The following IP6K1 variants were observed in gnomAD, a reference collection of about 807,000 sequenced individuals.
IP6K1 encodes ATP:1D-myo-inositol-hexakisphosphate phosphotransferase.
IP6K1 carries 13 observed loss-of-function variants against 38.3 expected under a neutral mutation model. That is an observed-to-expected ratio of 0.34 (90% confidence interval 0.22 to 0.54). The LOEUF is 0.54. IP6K1 is among the 20% of genes least tolerant of loss of function. The probability of loss-of-function intolerance (pLI) is 0.92; values close to 1 mark genes in which losing one functional copy is unlikely to be tolerated. For synonymous variants in IP6K1, 212 were observed against 229.9 expected, an observed-to-expected ratio of 0.92 and a Z score of 0.70; for missense variants, 397 against 599.8, an observed-to-expected ratio of 0.66 and a Z score of 3.53.
Position 49,752,174 on chromosome 3 carries a change from T to TA in IP6K1, c.-128-4007dup, listed in dbSNP as rs201319899. On this transcript the variant is annotated intron_variant, in intron 1 of 5. Coordinates refer to ENST00000321599, the MANE Select transcript of IP6K1 (RefSeq NM_153273.4). Reference sequence around the variant, plus strand: ...GTATATTCACCATGCCCGGCTAACTTAAAAAAATTTTTTTTTTTTAAAGAC... The same window carrying TA: ...GTATATTCACCATGCCCGGCTAACTTAAAAAAAATTTTTTTTTTTTAAAGAC... Among the ~76,000 whole-genome samples, 653 of 151,014 alleles carry TA rather than the reference T, an allele frequency of 4.3e-3. 4 individuals carry two copies. The highest frequency in any genetic ancestry group is 0.015 in the African/African-American group (598 of 41,162).
Position 49,745,545 on chromosome 3 carries a change from C to T in IP6K1, c.223+2273G>A, listed in dbSNP as rs141956963. Among the ~76,000 whole-genome samples the T allele has an allele frequency of 5.1e-3, 781 of 152,218 alleles. 3 individuals are homozygous for T. The highest frequency in any genetic ancestry group is 0.027 in the Middle Eastern group (8 of 294). ...GACCAGCCTGGCCAATATGGCAAAACCCCGTCTCTACTAAAAATACAAAAA... is the reference window on the plus strand; with the variant it reads ...GACCAGCCTGGCCAATATGGCAAAATCCCGTCTCTACTAAAAATACAAAAA... On this transcript the variant is annotated intron_variant, in intron 2 of 5. Coordinates refer to ENST00000321599, the MANE Select transcript of IP6K1 (RefSeq NM_153273.4).
At chr3:49,728,841 C>G (rs1427365328) in intron 4 of IP6K1, among the ~76,000 whole-genome samples, 1 of 152,128 alleles carries the variant, frequency 6.6e-6, no homozygotes, top group Non-Finnish European at 1.5e-5. Flanking sequence ...TCCCAAAGTG[C>G]TGGGATTACA....
intron 1 of IP6K1, chr3:49,775,689 A>G: frequency 4.2e-6 from 2 of 473,906 alleles, no homozygotes; most frequent in Non-Finnish European, 7.2e-6. Context: ...TACTCCCGGC[A>G]GAAAGGGAGC....
At position 49,727,670 on chromosome 3, in the gene IP6K1, G is replaced by A. The variant is rs751424732; in HGVS notation, c.793-15C>T. The A allele has an allele frequency of 6.2e-6, 10 of 1,608,382 alleles. No individual in the cohort carries two copies. The African/African-American group carries it at 1.2e-4, about 19-fold the overall frequency. ...AGCTGGTACACCTGAAACCCCAGGA[G>A]GCAGACAGGGTGAGTGCCAGGGAAG... is the stretch of plus-strand genomic sequence containing the variant. On this transcript the variant is annotated splice_polypyrimidine_tract_variant and intron_variant, in intron 5 of 5. Transcript: ENST00000321599. This position sits in a 1 kb window ranked among gnomAD's most constrained non-coding sequence, Gnocchi z 5.9.
intron 1 of IP6K1, among the ~76,000 whole-genome samples, chr3:49,778,742 T>G (rs1388783460): frequency 6.6e-6 from 1 of 152,130 alleles, no homozygotes; most frequent in Non-Finnish European, 1.5e-5. Context: ...CCTCCCATCT[T>G]AGACTCCCCA....
At chr3:49,773,133 A>G (rs1020837547) in intron 1 of IP6K1, among the ~76,000 whole-genome samples, 1 of 152,154 alleles carries the variant, frequency 6.6e-6, no homozygotes, top group Non-Finnish European at 1.5e-5. Flanking sequence ...CCAATTAATA[A>G]TTTTGTATAT....
At chr3:49,749,360 C>A (rs2080751933) in intron 1 of IP6K1, among the ~76,000 whole-genome samples, 1 of 152,228 alleles carries the variant, frequency 6.6e-6, no homozygotes, top group Non-Finnish European at 1.5e-5. Context: ...TGTACTCAAA[C>A]TCCCTCTTTA....
intron 1 of IP6K1, chr3:49,758,507 G>A (rs1055554835): frequency 1.3e-5 from 2 of 152,074 alleles, no homozygotes; most frequent in African/African-American, 2.4e-5. Context: ...TATTGGTGGA[G>A]CATTCGTTGT....
At chr3:49,750,399 G>A (rs78785182) in intron 1 of IP6K1, among the ~76,000 whole-genome samples, 8 of 152,266 alleles carry the variant, frequency 5.3e-5, no homozygotes, top group Non-Finnish European at 8.8e-5. Flanking sequence ...TGCAGGAGGA[G>A]AGTCAAGGAA....
intron 3 of IP6K1, among the ~76,000 whole-genome samples, chr3:49,733,659 G>C (rs1256964507): frequency 6.6e-6 from 1 of 152,136 alleles, no homozygotes; most frequent in Non-Finnish European, 1.5e-5. Flanking sequence ...AGACACAAAA[G>C]GATAAATATT....
At chr3:49,751,352 G>C (rs2080776146) in intron 1 of IP6K1, among the ~76,000 whole-genome samples, 1 of 152,036 alleles carries the variant, frequency 6.6e-6, no homozygotes, top group Non-Finnish European at 1.5e-5. Context: ...AGTGGAGACG[G>C]GGTTTCACCA....
chr3:49,724,850 GGGCT>G lies in IP6K1; in HGVS notation c.*2268_*2271del, dbSNP rs2080482541. The G allele has an allele frequency of 6.6e-6, 1 of 152,638 alleles. No individual in the cohort carries two copies. The highest frequency in any genetic ancestry group is 1.5e-5 in the Non-Finnish European group (1 of 68,122). The allele number at this position is 152,638 out of a possible 1,614,324, so 9.5% of individuals were successfully genotyped here. ...ACCACCCGTCCCACCCCACCCTCAGGGGCTGGTGTCAGCTTGGCCCAGGGAAGCA... is the reference window on the plus strand; with the variant it reads ...ACCACCCGTCCCACCCCACCCTCAGGGGTGTCAGCTTGGCCCAGGGAAGCA... On this transcript the variant is annotated 3_prime_UTR_variant, in exon 6 of 6. Coordinates refer to ENST00000321599, the MANE Select transcript of IP6K1 (RefSeq NM_153273.4).
chr3:49,757,811 A>G (rs958604214), intron 1 of IP6K1, among the ~76,000 whole-genome samples: 1 of 152,200 alleles, frequency 6.6e-6, no homozygotes, highest in Non-Finnish European at 1.5e-5. Flanking sequence ...TCAATTATCT[A>G]TAACACTGGT....
chr3:49,727,496 G>C lies in IP6K1; in HGVS notation c.952C>G (p.Leu318Val). Residue 318 changes from leucine (L) to valine (V), a missense_variant, in exon 6 of 6, where the codon CTG becomes GTG. Transcript: ENST00000321599. This position sits in a 1 kb window ranked among gnomAD's most constrained non-coding sequence, Gnocchi z 5.9. The part of the protein sequence containing the change: ...FEPILSKLRG[L>V]KAVLERQASY... ...GCCTGCCGCTCCAGCACAGCTTTCA[G>C]GCCCCGCAGTTTGCTCAGGATAGGC... 6.2e-7 allele frequency: 1 copy of C among 1,614,220 alleles called. No homozygotes were observed. The highest frequency in any genetic ancestry group is 1.1e-5 in the South Asian group (1 of 91,086).
At chr3:49,773,616 C>A (rs1575326998) in intron 1 of IP6K1, among the ~76,000 whole-genome samples, 2 of 152,242 alleles carry the variant, frequency 1.3e-5, no homozygotes, top group Middle Eastern at 6.8e-3. Flanking sequence ...AAGACTCCGT[C>A]TCAAAAATTA....
chr3:49,743,615 T>G (rs1202629061), intron 2 of IP6K1, among the ~76,000 whole-genome samples: 2 of 138,384 alleles, frequency 1.4e-5, no homozygotes, highest in Non-Finnish European at 3.3e-5. Flanking sequence ...AGTTTTTTTT[T>G]TTTGTTTTTT....
chr3:49,784,363 G>C (rs912971803), intron 1 of IP6K1, among the ~76,000 whole-genome samples: 1 of 152,020 alleles, frequency 6.6e-6, no homozygotes, highest in Admixed American at 6.6e-5. Flanking sequence ...GGCTAGGCGC[G>C]TGACCAGGCA....
At chr3:49,777,988 G>C (rs1279559680) in intron 1 of IP6K1, among the ~76,000 whole-genome samples, 2 of 151,942 alleles carry the variant, frequency 1.3e-5, no homozygotes, top group African/African-American at 4.8e-5. Flanking sequence ...TTTCTGGTGT[G>C]CAGGGGATTT....
In IP6K1 at chr3:49,727,143, C is replaced by T. The variant is rs745567837; in HGVS notation, c.1305G>A (p.Gln435=). Residue 435 remains glutamine (Q), a synonymous_variant, in exon 6 of 6, where the codon CAG becomes CAA. Transcript: ENST00000321599. This position sits in a 1 kb window ranked among gnomAD's most constrained non-coding sequence, Gnocchi z 5.9. ...GGGCCTACTGGTTCTCGTCCCGCATCTGTTCCATGATGCTGATGAGGTTCT... is the reference window on the plus strand; with the variant it reads ...GGGCCTACTGGTTCTCGTCCCGCATTTGTTCCATGATGCTGATGAGGTTCT... ...GLENLISIME[Q]MRDENQ 4.3e-6 allele frequency: 7 copies of T among 1,610,344 alleles called. No homozygotes were observed. In the East Asian group the frequency reaches 1.3e-4, roughly 31 times the overall value.
Sources: gnomAD v4.1 joint callset for allele counts (sites outside exome capture counted in the v4.1 genomes callset) on GRCh38, gnomAD v4.1.1 for gene constraint, Gnocchi (gnomAD v3.1) non-coding constraint, MANE v1.5 for transcripts, NCBI Gene and HGNC (gene_info 2026-07-23, HGNC 2026-07-21) for gene names.